Variants in IP6K1 observed in about 807,000 individuals in gnomAD.
IP6K1 encodes the protein ATP:1D-myo-inositol-hexakisphosphate phosphotransferase.
A neutral mutation model predicts 38.3 loss-of-function variants in IP6K1; 13 were observed. The ratio of observed to expected loss-of-function variants is 0.34; its 90% CI spans 0.22 to 0.54. The LOEUF is 0.54. IP6K1 is among the 20% of genes least tolerant of loss of function. IP6K1 has a pLI of 0.92. For synonymous variants in IP6K1, 212 were observed against 229.9 expected, an observed-to-expected ratio of 0.92 and a Z score of 0.70; for missense variants, 397 against 599.8, an observed-to-expected ratio of 0.66 and a Z score of 3.53.
At position 49,724,969 on chromosome 3, in the gene IP6K1, G is replaced by A. The variant is rs531418495; in HGVS notation, c.*2153C>T. On this transcript the variant is annotated 3_prime_UTR_variant, in exon 6 of 6. Transcript: ENST00000321599. ...GGGGCTAAGAAGGCTGGGCCTGGCA[G>A]GGACAGGGCTCTCTGGCATGGGGCA... 1 of 153,030 alleles carries A rather than the reference G, an allele frequency of 6.5e-6. No homozygotes were observed. Among genetic ancestry groups the A allele is most frequent in the Non-Finnish European group, 1.5e-5 (1 of 68,242 alleles). The allele number at this position is 153,030 out of a possible 1,614,324, so 9.5% of individuals were successfully genotyped here.
intron 3 of IP6K1, among the ~76,000 whole-genome samples, chr3:49,737,256 G>A (rs1462226557): frequency 6.6e-6 from 1 of 152,096 alleles, no homozygotes; most frequent in Non-Finnish European, 1.5e-5. Flanking sequence ...CCAAGTGGCT[G>A]CACCACTTTA....
chr3:49,756,419 A>G (rs1365936381), intron 1 of IP6K1, among the ~76,000 whole-genome samples: 1 of 152,210 alleles, frequency 6.6e-6, no homozygotes, highest in African/African-American at 2.4e-5. Flanking sequence ...TTTTGACATC[A>G]GCTGTGTCAA....
At chr3:49,736,053 A>G (rs1349417421) in intron 3 of IP6K1, among the ~76,000 whole-genome samples, 1 of 152,042 alleles carries the variant, frequency 6.6e-6, no homozygotes, top group African/African-American at 2.4e-5. Context: ...AGTAGCTGGG[A>G]TTACAGGCCC....
chr3:49,748,180 AAG>A lies in IP6K1; in HGVS notation c.-128-14_-128-13del. 1 of 845,820 alleles carries A rather than the reference AAG, an allele frequency of 1.2e-6. No homozygotes were observed. Among genetic ancestry groups the A allele is most frequent in the Non-Finnish European group, 1.8e-6 (1 of 540,872 alleles). 52.4% of individuals were successfully genotyped at this position (845,820 alleles called of 1,614,324 possible). ...CTTATTATTCTGTCCTACAGAAAAG[AAG>A]AGAGGAAGAAGGAATCAAAACACTG... On this transcript the variant is annotated splice_polypyrimidine_tract_variant and intron_variant, in intron 1 of 5. Transcript: ENST00000321599.
chr3:49,755,852 AATTCAAGCCC>A (rs2080818298), intron 1 of IP6K1, among the ~76,000 whole-genome samples: 1 of 152,240 alleles, frequency 6.6e-6, no homozygotes, highest in South Asian at 2.1e-4. Context: ...TGATTTCTTA[AATTCAAGCCC>A]ATTCTTCCCT....
intron 1 of IP6K1, 102 bp from the exon 2 acceptor site, chr3:49,748,270 C>G: frequency 3.5e-6 from 2 of 566,242 alleles, no homozygotes; most frequent in Non-Finnish European, 6.3e-6. Flanking sequence ...TTGTTCCCTA[C>G]TATGTGTATC....
intron 4 of IP6K1, among the ~76,000 whole-genome samples, chr3:49,730,698 C>T (rs1313342952): frequency 6.6e-6 from 1 of 152,072 alleles, no homozygotes; most frequent in Admixed American, 6.6e-5. Context: ...AGGCGCATGC[C>T]ACCATGCCCG....
chr3:49,768,746 G>A (rs907929263), intron 1 of IP6K1, among the ~76,000 whole-genome samples: 2 of 152,004 alleles, frequency 1.3e-5, no homozygotes, highest in South Asian at 2.1e-4. Context: ...CTCCAGCCTC[G>A]GTGACAGAGT....
intron 1 of IP6K1, among the ~76,000 whole-genome samples, chr3:49,764,740 G>A (rs2080895838): frequency 2.0e-5 from 3 of 152,050 alleles, no homozygotes; most frequent in African/African-American, 4.8e-5. Context: ...TTAGCCTGGC[G>A]TGGTAGTGCA....
chr3:49,785,948 C>G (rs1226221891), intron 1 of IP6K1: 5 of 152,262 alleles, frequency 3.3e-5, no homozygotes, highest in Non-Finnish European at 7.3e-5. Context: ...TCTTAGCATC[C>G]AGCGTCCTGA....
intron 1 of IP6K1, among the ~76,000 whole-genome samples, chr3:49,750,608 A>G (rs956940065): frequency 6.6e-6 from 1 of 152,072 alleles, no homozygotes; most frequent in African/African-American, 2.4e-5. Flanking sequence ...GCTGAGGCAC[A>G]AGAATCACTT....
intron 1 of IP6K1, among the ~76,000 whole-genome samples, chr3:49,769,112 AAAG>A (rs2080935411): frequency 6.6e-6 from 1 of 152,224 alleles, no homozygotes; most frequent in South Asian, 2.1e-4. Context: ...GCAAGATAGT[AAAG>A]AAGGCATAAA....
At chr3:49,785,275 A>AGGGGG (rs61244502) in intron 1 of IP6K1, among the ~76,000 whole-genome samples, 12 of 151,766 alleles carry the variant, frequency 7.9e-5, no homozygotes, top group African/African-American at 2.9e-4. Context: ...TGGGAGGCCA[A>AGGGGG]GGGGGGTGGA....
chr3:49,738,551 A>G (rs2108228905), intron 2 of IP6K1, 129 bp from the exon 3 acceptor site: 1 of 691,098 alleles, frequency 1.4e-6, no homozygotes, highest in Non-Finnish European at 2.6e-6. Context: ...ACAGATCAAT[A>G]TCAGAACAAC....
At chr3:49,751,107 C>T (rs150501263) in intron 1 of IP6K1, among the ~76,000 whole-genome samples, 12 of 152,170 alleles carry the variant, frequency 7.9e-5, no homozygotes, top group Non-Finnish European at 1.6e-4. Context: ...GGGCTTGCCT[C>T]GCCTAGTGCC....
chr3:49,743,372 A>G (rs1386206213), intron 2 of IP6K1, among the ~76,000 whole-genome samples: 1 of 151,906 alleles, frequency 6.6e-6, no homozygotes, highest in Admixed American at 6.6e-5. Context: ...GGATCACTTG[A>G]GACCAGGAGT....
At chr3:49,780,639 G>A (rs1222282440) in intron 1 of IP6K1, among the ~76,000 whole-genome samples, 2 of 152,124 alleles carry the variant, frequency 1.3e-5, no homozygotes, top group African/African-American at 4.8e-5. Flanking sequence ...AAAGAAAAGG[G>A]CCTAAAAATG....
intron 1 of IP6K1, among the ~76,000 whole-genome samples, chr3:49,760,057 A>AT (rs1386694072): frequency 1.3e-5 from 2 of 151,860 alleles, no homozygotes; most frequent in Non-Finnish European, 2.9e-5. Context: ...CCACCCAGCT[A>AT]TTTTCCCTTC....
chr3:49,778,574 A>C (rs1290801847), intron 1 of IP6K1, among the ~76,000 whole-genome samples: 1 of 152,128 alleles, frequency 6.6e-6, no homozygotes, highest in Admixed American at 6.5e-5. Flanking sequence ...CAGAGGTTGT[A>C]GTGAGCCGAG....
Sources: gnomAD v4.1 joint callset for allele counts (sites outside exome capture counted in the v4.1 genomes callset) on GRCh38, gnomAD v4.1.1 for gene constraint, MANE v1.5 for transcripts, NCBI Gene and HGNC (gene_info 2026-07-23, HGNC 2026-07-21) for gene names.